SUMF1: variants seen among roughly 807,000 people sequenced by gnomAD.
SUMF1 encodes formylglycine-generating enzyme.
Under a neutral mutation model 47.6 loss-of-function variants are expected in SUMF1, and 48 were observed. That is an observed-to-expected ratio of 1.01 (90% CI 0.80 to 1.28). SUMF1 has a LOEUF of 1.28. Among genes scored for constraint, SUMF1 ranks in the 50% most tolerant of loss-of-function variants. SUMF1 has a pLI of 0.00. For synonymous variants in SUMF1, 230 were observed against 192.1 expected (o/e 1.20, Z -1.63); for missense variants, 571 against 485.4 (o/e 1.18, Z -1.66).
chr3:4,399,091 C>T (rs1236051374), intron 7 of SUMF1, among the ~76,000 whole-genome samples: 3 of 152,016 alleles, frequency 2.0e-5, no homozygotes, highest in East Asian at 3.9e-4. Flanking sequence ...GATATGAGAA[C>T]GAGAGGGGGC....
intron 8 of SUMF1, among the ~76,000 whole-genome samples, chr3:4,248,614 G>A (rs1187260300): frequency 6.6e-6 from 1 of 152,148 alleles, no homozygotes; most frequent in Non-Finnish European, 1.5e-5. Context: ...TCTGGAATGG[G>A]AGAATTGATA....
In SUMF1 at chr3:4,361,937, C is replaced by T. The variant is rs948583808; in HGVS notation, c.*207G>A. 8.7e-6 allele frequency: 5 copies of T among 577,688 alleles called. No individual in the cohort carries two copies. Among genetic ancestry groups the T allele is most frequent in the Middle Eastern group, 4.7e-4 (1 of 2,146 alleles). The allele number at this position is 577,688 out of a possible 1,614,324, so 35.8% of individuals were successfully genotyped here. A position where few individuals can be genotyped will look rare whatever the true frequency, so the allele number is the denominator to read the frequency against. On this transcript the variant is annotated 3_prime_UTR_variant, in exon 9 of 9. Transcript: ENST00000272902. Reference sequence around the variant, plus strand: ...CTCAAAAGTAAAATATGGTGATGATCTCCAAAGATGCACCACACCATAAAG... The same window carrying T: ...CTCAAAAGTAAAATATGGTGATGATTTCCAAAGATGCACCACACCATAAAG...
At chr3:4,389,687 T>C (rs1700791716) in intron 7 of SUMF1, among the ~76,000 whole-genome samples, 1 of 152,188 alleles carries the variant, frequency 6.6e-6, no homozygotes. Context: ...ACTGGGTAAT[T>C]TCTTTTGTTC....
chr3:4,134,316 A>C (rs1404423244), intron 8 of SUMF1, among the ~76,000 whole-genome samples: 21 of 152,138 alleles, frequency 1.4e-4, no homozygotes, highest in Admixed American at 1.4e-3. Flanking sequence ...TAAGAAACTC[A>C]CTCAAAACCA....
chr3:4,310,165 G>C lies in SUMF1; in HGVS notation c.1014+66165C>G, dbSNP rs112958687. Among the ~76,000 whole-genome samples, 103 of 152,192 alleles carry C rather than the reference G, an allele frequency of 6.8e-4. 2 individuals carry two copies. The highest frequency in any genetic ancestry group is 2.3e-3 in the African/African-American group (97 of 41,522). On this transcript the variant is annotated intron_variant and NMD_transcript_variant, in intron 8 of 12. Coordinates refer to the SUMF1 transcript ENST00000448413. Reference sequence around the variant, plus strand: ...CATTGTATATGCATATATGTGGTCTGACCAAAAAGTCATTATGCAGCACAT... The same window carrying C: ...CATTGTATATGCATATATGTGGTCTCACCAAAAAGTCATTATGCAGCACAT...
chr3:4,421,823 A>G (rs572578750), intron 3 of SUMF1, among the ~76,000 whole-genome samples: 1 of 152,278 alleles, frequency 6.6e-6, no homozygotes, highest in East Asian at 1.9e-4. Context: ...AATACAAAAG[A>G]AAGTGACTCA....
intron 8 of SUMF1, among the ~76,000 whole-genome samples, chr3:4,254,849 A>G (rs924045323): frequency 6.6e-6 from 1 of 152,142 alleles, no homozygotes; most frequent in East Asian, 1.9e-4. Context: ...AAAAAATATT[A>G]AGGGCAGCCA....
intron 8 of SUMF1, among the ~76,000 whole-genome samples, chr3:4,110,416 A>C (rs1693269373): frequency 6.6e-6 from 1 of 152,142 alleles, no homozygotes. Context: ...TAGTTCAACC[A>C]TTGTGGAAGA....
chr3:4,260,741 A>T (rs773186790), intron 8 of SUMF1, among the ~76,000 whole-genome samples: 5 of 152,126 alleles, frequency 3.3e-5, no homozygotes, highest in African/African-American at 4.8e-5. Context: ...TCTAAGAAAA[A>T]AAAAAGAAAA....
At chr3:4,099,052 T>C (rs1009242833) in intron 8 of SUMF1, among the ~76,000 whole-genome samples, 11 of 152,124 alleles carry the variant, frequency 7.2e-5, no homozygotes, top group Admixed American at 5.2e-4. Flanking sequence ...AAATAAAGCC[T>C]ATTCTCCATG....
At chr3:4,259,635 A>C (rs1003011631) in intron 8 of SUMF1, among the ~76,000 whole-genome samples, 1 of 152,176 alleles carries the variant, frequency 6.6e-6, no homozygotes, top group Non-Finnish European at 1.5e-5. Flanking sequence ...GGAACAATCT[A>C]AGAAGGGAAT....
At chr3:4,186,738 T>C (rs1018566230) in intron 8 of SUMF1, among the ~76,000 whole-genome samples, 2 of 152,170 alleles carry the variant, frequency 1.3e-5, no homozygotes, top group African/African-American at 4.8e-5. Flanking sequence ...ATTCACTATT[T>C]AAATATTGAC....
At chr3:4,122,952 A>C (rs1356956010) in intron 8 of SUMF1, among the ~76,000 whole-genome samples, 2 of 152,134 alleles carry the variant, frequency 1.3e-5, no homozygotes, top group East Asian at 1.9e-4. Flanking sequence ...TGCCCATTCA[A>C]CAACAAATCC....
intron 8 of SUMF1, among the ~76,000 whole-genome samples, chr3:4,135,903 G>C (rs1489641339): frequency 1.3e-5 from 2 of 152,188 alleles, no homozygotes; most frequent in Admixed American, 1.3e-4. Flanking sequence ...AAATACACAG[G>C]AATCCAACTT....
intron 8 of SUMF1, among the ~76,000 whole-genome samples, chr3:4,310,881 G>C (rs1269327170): frequency 2.0e-5 from 3 of 152,050 alleles, no homozygotes; most frequent in Non-Finnish European, 4.4e-5. Context: ...TTAACAAAGA[G>C]ATCTTCATTT....
At chr3:4,460,982 C>A (rs1286942784) in intron 1 of SUMF1, among the ~76,000 whole-genome samples, 1 of 152,126 alleles carries the variant, frequency 6.6e-6, no homozygotes, top group Non-Finnish European at 1.5e-5. Context: ...GTGTTTTCAT[C>A]TTCCCTAGAA....
chr3:4,333,869 T>G (rs1699096331), intron 8 of SUMF1, among the ~76,000 whole-genome samples: 1 of 152,056 alleles, frequency 6.6e-6, no homozygotes, highest in South Asian at 2.1e-4. Context: ...GGCTCACACT[T>G]GTAATCCCAG....
chr3:4,097,552 C>CA (rs1167287968), intron 8 of SUMF1, among the ~76,000 whole-genome samples: 1 of 151,534 alleles, frequency 6.6e-6, no homozygotes, highest in East Asian at 1.9e-4. Flanking sequence ...GACCCTGTCT[C>CA]AAAAAAACAA....
chr3:4,434,588 T>C (rs1393665570), intron 3 of SUMF1, among the ~76,000 whole-genome samples: 3 of 152,250 alleles, frequency 2.0e-5, no homozygotes, highest in Non-Finnish European at 1.5e-5. Context: ...TGCTAGGTAC[T>C]GTACCAGGTG....
Sources: allele counts gnomAD v4.1 joint callset (sites outside exome capture counted in the v4.1 genomes callset), GRCh38; gene constraint gnomAD v4.1.1; transcripts MANE v1.5; gene names NCBI Gene and HGNC (gene_info 2026-07-23, HGNC 2026-07-21).